DGKI: variants seen among roughly 807,000 people sequenced by gnomAD.
The protein encoded by DGKI is diacylglycerol kinase iota.
A neutral mutation model predicts 147.5 loss-of-function variants in DGKI; 55 were observed. The observed-to-expected ratio is 0.37, with a 90% CI of 0.30 to 0.47. DGKI has a LOEUF of 0.47. Among genes scored for constraint, DGKI ranks in the 20% least tolerant of loss-of-function variants. The pLI is 1.00. For synonymous variants in DGKI, 469 were observed against 477.1 expected (o/e 0.98, Z 0.22); for missense variants, 1,007 against 1,323.8 (o/e 0.76, Z 3.71).
At chr7:137,733,652 G>A (rs549251539) in intron 1 of DGKI, among the ~76,000 whole-genome samples, 13 of 152,112 alleles carry the variant, frequency 8.5e-5, no homozygotes, top group African/African-American at 2.2e-4. Context: ...TGCTTTAATC[G>A]AGCTCACATT....
chr7:137,807,572 C>T (rs926057431), intron 1 of DGKI, among the ~76,000 whole-genome samples: 2 of 152,170 alleles, frequency 1.3e-5, no homozygotes, highest in African/African-American at 2.4e-5. Context: ...CTTTCACGTG[C>T]TCACAAATCA....
chr7:137,746,444 G>A (rs151133280), intron 1 of DGKI, among the ~76,000 whole-genome samples: 1 of 152,296 alleles, frequency 6.6e-6, no homozygotes, highest in African/African-American at 2.4e-5. Context: ...GCTGTCAAGC[G>A]TCGCATTACA....
chr7:137,541,665 A>T (rs1309036615), intron 20 of DGKI, among the ~76,000 whole-genome samples: 1 of 152,158 alleles, frequency 6.6e-6, no homozygotes, highest in Non-Finnish European at 1.5e-5. Context: ...GGAAAAGATA[A>T]TTTTTTCATA....
At chr7:137,433,477 T>C (rs1813159639) in intron 28 of DGKI, among the ~76,000 whole-genome samples, 1 of 152,232 alleles carries the variant, frequency 6.6e-6, no homozygotes, top group African/African-American at 2.4e-5. Flanking sequence ...TTGGGATTTC[T>C]AGTCAAATTA....
chr7:137,633,399 G>C (rs73461033), intron 6 of DGKI, among the ~76,000 whole-genome samples: 2 of 152,140 alleles, frequency 1.3e-5, no homozygotes, highest in African/African-American at 4.8e-5. Context: ...GGAAGCCCAA[G>C]TGAAAGCTTC....
chr7:137,453,011 G>A (rs1270545500), intron 27 of DGKI: 2 of 152,158 alleles, frequency 1.3e-5, no homozygotes, highest in African/African-American at 4.8e-5. Context: ...AATGAAAACC[G>A]ATTTCCCAGT....
intron 1 of DGKI, among the ~76,000 whole-genome samples, chr7:137,834,837 C>A (rs569473656): frequency 6.6e-6 from 1 of 152,334 alleles, no homozygotes; most frequent in East Asian, 1.9e-4. Context: ...GGCTTCCACA[C>A]ACAGATCAAT....
At chr7:137,784,703 A>C (rs1479937100) in intron 1 of DGKI, among the ~76,000 whole-genome samples, 1 of 152,154 alleles carries the variant, frequency 6.6e-6, no homozygotes, top group East Asian at 1.9e-4. Flanking sequence ...TACATTCTCC[A>C]AGATAGACCA....
At chr7:137,424,660 C>A (rs987096081) in intron 28 of DGKI, among the ~76,000 whole-genome samples, 8 of 152,172 alleles carry the variant, frequency 5.3e-5, no homozygotes, top group African/African-American at 1.9e-4. Flanking sequence ...CAGACGGCAC[C>A]TGGAAAATCA....
intron 21 of DGKI, among the ~76,000 whole-genome samples, chr7:137,499,545 G>A (rs1816096826): frequency 2.0e-5 from 3 of 152,046 alleles, no homozygotes; most frequent in Admixed American, 2.0e-4. Flanking sequence ...CAAAAAGGTG[G>A]AATAAAAGTG....
intron 31 of DGKI, 39 bp from the exon 32 acceptor site, chr7:137,395,736 G>A: frequency 6.3e-7 from 1 of 1,593,252 alleles, no homozygotes; most frequent in Admixed American, 1.7e-5. Flanking sequence ...CCATAAAGGG[G>A]TTGGAGGCAG....
At chr7:137,708,910 A>T (rs943476400) in intron 1 of DGKI, among the ~76,000 whole-genome samples, 1 of 152,234 alleles carries the variant, frequency 6.6e-6, no homozygotes, top group Non-Finnish European at 1.5e-5. Flanking sequence ...AGCATATTAA[A>T]GGTACCTTTT....
At chr7:137,650,175 G>C (rs1428660508) in intron 5 of DGKI, among the ~76,000 whole-genome samples, 1 of 152,162 alleles carries the variant, frequency 6.6e-6, no homozygotes, top group East Asian at 1.9e-4. Flanking sequence ...TTTAGACTAA[G>C]AGTTCATAAA....
At chr7:137,562,304 G>C (rs572554300) in intron 19 of DGKI, among the ~76,000 whole-genome samples, 53 of 152,342 alleles carry the variant, frequency 3.5e-4, no homozygotes, top group Non-Finnish European at 6.9e-4. Context: ...GGGAGGCCAA[G>C]GTGGGCAGAT....
chr7:137,417,254 T>C (rs936847093), intron 28 of DGKI, among the ~76,000 whole-genome samples: 1 of 152,246 alleles, frequency 6.6e-6, no homozygotes, highest in African/African-American at 2.4e-5. Flanking sequence ...TAAAAGTTTT[T>C]AAGTATATGA....
chr7:137,394,444 T>C (rs1393662794), intron 32 of DGKI, among the ~76,000 whole-genome samples: 4 of 152,176 alleles, frequency 2.6e-5, no homozygotes, highest in Non-Finnish European at 5.9e-5. Context: ...AACTAACTCC[T>C]CTTTCTCTCT....
At chr7:137,596,953 C>T (rs902524764) in intron 12 of DGKI, among the ~76,000 whole-genome samples, 4 of 152,166 alleles carry the variant, frequency 2.6e-5, no homozygotes, top group South Asian at 4.1e-4. Flanking sequence ...ATTCCAAATC[C>T]GGAAGAAAAA....
intron 30 of DGKI, among the ~76,000 whole-genome samples, chr7:137,398,601 G>A (rs942448705): frequency 6.6e-6 from 1 of 152,024 alleles, no homozygotes; most frequent in East Asian, 1.9e-4. Flanking sequence ...AGTAAGAAGG[G>A]GTGGAAGAGG....
chr7:137,587,265 G>T (rs1819440832), intron 12 of DGKI, 55 bp from the exon 13 acceptor site: 2 of 1,398,150 alleles, frequency 1.4e-6, no homozygotes, highest in African/African-American at 1.5e-5. Context: ...AAGTTACAAA[G>T]AAAACAGTTT....
Sources: allele counts gnomAD v4.1 joint callset (sites outside exome capture counted in the v4.1 genomes callset), GRCh38; gene constraint gnomAD v4.1.1; transcripts MANE v1.5; gene names NCBI Gene and HGNC (gene_info 2026-07-23, HGNC 2026-07-21).